GPC5: variants seen among roughly 807,000 people sequenced by gnomAD.
The protein encoded by GPC5 is glypican-5.
GPC5 carries 47 observed loss-of-function variants against 53.9 expected under a neutral mutation model. The ratio of observed to expected loss-of-function variants is 0.87; its 90% CI spans 0.69 to 1.11. The LOEUF is 1.11. Ranked by LOEUF, GPC5 falls within the 50% of genes most tolerant of loss-of-function variation. GPC5 has a pLI of 0.00. For missense variants in GPC5, 748 were observed against 713.1 expected, an observed-to-expected ratio of 1.05 and a Z score of -0.56; for synonymous variants, 286 against 263.3, an observed-to-expected ratio of 1.09 and a Z score of -0.84.
intron 7 of GPC5, among the ~76,000 whole-genome samples, chr13:92,531,379 T>C (rs750271634): frequency 6.6e-6 from 1 of 151,964 alleles, no homozygotes; most frequent in Non-Finnish European, 1.5e-5. Flanking sequence ...AATGAATATA[T>C]ATATTTAAAA....
intron 6 of GPC5, among the ~76,000 whole-genome samples, chr13:92,128,594 G>A (rs986855925): frequency 4.6e-5 from 7 of 152,072 alleles, no homozygotes; most frequent in Middle Eastern, 3.2e-3. Context: ...CAGAGAACTC[G>A]GTCTCATTAG....
intron 7 of GPC5, among the ~76,000 whole-genome samples, chr13:92,560,498 G>A (rs1470887501): frequency 6.6e-6 from 1 of 151,988 alleles, no homozygotes; most frequent in Non-Finnish European, 1.5e-5. Context: ...GTTTGTGATT[G>A]GCTGTCACAT....
intron 7 of GPC5, among the ~76,000 whole-genome samples, chr13:92,745,588 G>A (rs1052666254): frequency 2.6e-5 from 4 of 152,008 alleles, no homozygotes; most frequent in Admixed American, 2.0e-4. Flanking sequence ...GAGTCCTCTG[G>A]TCATTAGGGT....
intron 3 of GPC5, among the ~76,000 whole-genome samples, chr13:91,695,645 G>T (rs1438407439): frequency 2.0e-5 from 3 of 152,024 alleles, no homozygotes; most frequent in Non-Finnish European, 4.4e-5. Context: ...AAAGTGCTGG[G>T]ATTATAGGCA....
chr13:92,330,619 A>T (rs1296756672), intron 7 of GPC5, among the ~76,000 whole-genome samples: 1 of 151,944 alleles, frequency 6.6e-6, no homozygotes, highest in Non-Finnish European at 1.5e-5. Flanking sequence ...TGTCATTTAA[A>T]CCTCCTCTAA....
intron 7 of GPC5, among the ~76,000 whole-genome samples, chr13:92,548,160 T>C (rs1307535331): frequency 2.0e-5 from 3 of 151,854 alleles, no homozygotes; most frequent in Non-Finnish European, 4.4e-5. Flanking sequence ...TCTTTTAAAA[T>C]TGAATACAAA....
intron 7 of GPC5, among the ~76,000 whole-genome samples, chr13:92,584,203 AGAC>A (rs1883463038): frequency 6.6e-6 from 1 of 152,192 alleles, no homozygotes; most frequent in African/African-American, 2.4e-5. Context: ...GCTCAGAAGA[AGAC>A]AGGAAAATGT....
chr13:91,887,238 C>G (rs1394429007), intron 5 of GPC5, among the ~76,000 whole-genome samples: 1 of 152,212 alleles, frequency 6.6e-6, no homozygotes, highest in East Asian at 1.9e-4. Context: ...ATGGTTTGAG[C>G]TGTACCCTGG....
chr13:92,130,963 T>C (rs2041738322), intron 6 of GPC5, among the ~76,000 whole-genome samples: 2 of 151,742 alleles, frequency 1.3e-5, no homozygotes, highest in Admixed American at 6.6e-5. Flanking sequence ...AAACAGAAGA[T>C]TAAATCCAGA....
chr13:91,995,164 G>T (rs958199259), intron 6 of GPC5: 1 of 151,724 alleles, frequency 6.6e-6, no homozygotes, highest in Non-Finnish European at 1.5e-5. Flanking sequence ...AGTAGAGACG[G>T]GGTTTCACTG....
At chr13:91,566,475 A>G (rs1386744970) in intron 2 of GPC5, among the ~76,000 whole-genome samples, 4 of 152,130 alleles carry the variant, frequency 2.6e-5, no homozygotes, top group South Asian at 2.1e-4. Context: ...GAGCAGGGGA[A>G]TCACTTGAAC....
At chr13:91,678,315 C>A (rs2035429793) in intron 2 of GPC5, among the ~76,000 whole-genome samples, 1 of 152,110 alleles carries the variant, frequency 6.6e-6, no homozygotes, top group Non-Finnish European at 1.5e-5. Context: ...GTTTTTAAGT[C>A]ACTTTATATT....
chr13:91,560,797 A>T (rs185811801), intron 2 of GPC5, among the ~76,000 whole-genome samples: 114 of 151,492 alleles, frequency 7.5e-4, no homozygotes, highest in South Asian at 2.3e-3. Flanking sequence ...TAAAAAAAAA[A>T]TCTGAAGAAC....
intron 2 of GPC5, among the ~76,000 whole-genome samples, chr13:91,629,608 A>T (rs565377661): frequency 3.1e-4 from 47 of 152,100 alleles, no homozygotes; most frequent in Non-Finnish European, 5.7e-4. Flanking sequence ...ACGCTATTAC[A>T]CTCCAGCCTG....
intron 7 of GPC5, among the ~76,000 whole-genome samples, chr13:92,846,400 TAATACTTTAGTAAAGTA>T (rs1310779521): frequency 1.3e-5 from 2 of 152,320 alleles, no homozygotes; most frequent in Non-Finnish European, 2.9e-5. Flanking sequence ...TGTACCAAGA[TAATACTTTAGTAAAGTA>T]TAGATTTTGT....
chr13:91,502,586 G>A (rs1457390720), intron 2 of GPC5, among the ~76,000 whole-genome samples: 1 of 152,098 alleles, frequency 6.6e-6, no homozygotes, highest in African/African-American at 2.4e-5. Context: ...TGGAATCCCA[G>A]AACTGCAGTT....
chr13:92,276,133 G>A (rs1324525017), intron 7 of GPC5, among the ~76,000 whole-genome samples: 1 of 152,126 alleles, frequency 6.6e-6, no homozygotes, highest in African/African-American at 2.4e-5. Flanking sequence ...CAGTGTGTGT[G>A]TGAAGGTTGT....
At chr13:91,535,854 C>CTAA (rs372892620) in intron 2 of GPC5, among the ~76,000 whole-genome samples, 1 of 151,808 alleles carries the variant, frequency 6.6e-6, no homozygotes, top group Admixed American at 6.6e-5. Flanking sequence ...TTAGTATTCA[C>CTAA]TAATAATAAT....
intron 7 of GPC5, among the ~76,000 whole-genome samples, chr13:92,409,690 G>C (rs2139347519): frequency 6.6e-6 from 1 of 152,176 alleles, no homozygotes; most frequent in South Asian, 2.1e-4. Context: ...CTATCCTAGA[G>C]CAACAGTCAC....
Sources: gnomAD v4.1 joint callset for allele counts (sites outside exome capture counted in the v4.1 genomes callset) on GRCh38, gnomAD v4.1.1 for gene constraint, MANE v1.5 for transcripts, NCBI Gene and HGNC (gene_info 2026-07-23, HGNC 2026-07-21) for gene names.